The following COL4A3 variants were observed in gnomAD, a reference collection of about 807,000 sequenced individuals.
COL4A3 encodes the protein collagen alpha-3(IV) chain.
In COL4A3, 135 loss-of-function variants were observed where a neutral mutation model predicts 217.4. The observed-to-expected ratio is 0.62, with a 90% CI of 0.54 to 0.72. The LOEUF (loss-of-function observed/expected upper bound fraction) is 0.72. Ranked by LOEUF, COL4A3 falls within the 30% of genes least tolerant of loss-of-function variation. The pLI is 0.00. For synonymous variants in COL4A3, 690 were observed against 736.3 expected (o/e 0.94, Z 1.02); for missense variants, 1,868 against 2,119.9 (o/e 0.88, Z 2.33).
At chr2:227,236,663 A>T (rs1226572733) in intron 1 of COL4A3, among the ~76,000 whole-genome samples, 7 of 144,724 alleles carry the variant, frequency 4.8e-5, no homozygotes, top group South Asian at 2.2e-4. Flanking sequence ...GTCAAAACAC[A>T]TTTTTTCTTT....
intron 1 of COL4A3, among the ~76,000 whole-genome samples, chr2:227,171,300 T>G (rs1050822191): frequency 1.3e-5 from 2 of 152,238 alleles, no homozygotes; most frequent in African/African-American, 2.4e-5. Flanking sequence ...CTGCCTGTTC[T>G]GAACTTTATG....
intron 17 of COL4A3, among the ~76,000 whole-genome samples, chr2:227,257,201 T>C (rs568434274): frequency 6.6e-6 from 1 of 152,336 alleles, no homozygotes; most frequent in South Asian, 2.1e-4. Flanking sequence ...TCACTTCCAG[T>C]AGAATTCTGA....
chr2:227,282,543 G>T lies in COL4A3; in HGVS notation c.2656+11G>T, dbSNP rs2072051380. ...TTTTAGGGCCACCAGGTATCCTTTT[G>T]TGTGTTTCTATTTTTCTTCTTATTT... On this transcript the variant is annotated intron_variant, in intron 32 of 51. Transcript: ENST00000396578. This position sits in a 1 kb window ranked among gnomAD's most constrained non-coding sequence, Gnocchi z 4.4. The T allele has an allele frequency of 2.5e-6, 4 of 1,612,386 alleles. No individual in the cohort carries two copies. The highest frequency in any genetic ancestry group is 3.4e-6 in the Non-Finnish European group (4 of 1,178,966).
At chr2:227,165,150 C>G (rs1418813763) in intron 1 of COL4A3, among the ~76,000 whole-genome samples, 1 of 152,044 alleles carries the variant, frequency 6.6e-6, no homozygotes, top group African/African-American at 2.4e-5. Context: ...CGTGAGAACA[C>G]CGGATGTGGA....
intron 48 of COL4A3, among the ~76,000 whole-genome samples, 198 bp from the exon 49 acceptor site, chr2:227,308,698 AAAG>A: frequency 2.0e-5 from 3 of 152,360 alleles, no homozygotes. Flanking sequence ...AAGGTGGGAG[AAAG>A]AAGATTTGTT....
Position 227,294,904 on chromosome 2 carries a change from A to G in COL4A3, c.3419-60A>G, listed in dbSNP as rs572729147. 2.9e-6 allele frequency: 4 copies of G among 1,362,288 alleles called. No individual in the cohort carries two copies. The East Asian group carries it at 9.2e-5, about 31-fold the overall frequency. The allele number at this position is 1,362,288 out of a possible 1,614,324, so 84.4% of individuals were successfully genotyped here. A position where few individuals can be genotyped will look rare whatever the true frequency, so the allele number is the denominator to read the frequency against. On this transcript the variant is annotated intron_variant, in intron 39 of 51. Coordinates refer to ENST00000396578, the MANE Select transcript of COL4A3 (RefSeq NM_000091.5). ...ATTCCCATTAGGCCACTGGCAAGAA[A>G]TAAATCCTCTTTTTGTATACCATAG...
Position 227,195,665 on chromosome 2 carries a change from A to ATGTGTGTGTGTGTGTG in COL4A3, c.87+30853_87+30854insGTGTGTGTGTGTGTGT, listed in dbSNP as rs769877364. 1.7e-3 allele frequency among the ~76,000 whole-genome samples: 224 copies of ATGTGTGTGTGTGTGTG among 129,088 alleles called. 3 individuals carry two copies. Among genetic ancestry groups the ATGTGTGTGTGTGTGTG allele is most frequent in the East Asian group, 0.013 (59 of 4,628 alleles). 84.7% of individuals were successfully genotyped at this position (129,088 alleles called of 152,430 possible). On this transcript the variant is annotated intron_variant, in intron 1 of 51. Coordinates refer to ENST00000396578, the MANE Select transcript of COL4A3 (RefSeq NM_000091.5). Reference sequence around the variant, plus strand: ...TAGAGTCTATGCCACATATATATATATATGTGTGTGTGTGTGTGTGTGTGT... The same window carrying ATGTGTGTGTGTGTGTG: ...TAGAGTCTATGCCACATATATATATATGTGTGTGTGTGTGTGTATGTGTGTGTGTGTGTGTGTGTGT...
chr2:227,244,185 G>C (rs568442864), intron 3 of COL4A3, 135 bp from the exon 4 acceptor site: 1 of 733,378 alleles, frequency 1.4e-6, no homozygotes, highest in South Asian at 1.5e-5. Context: ...GCAAGCAATT[G>C]AATCTTATTA....
chr2:227,286,147 C>T (rs762397808), intron 34 of COL4A3, among the ~76,000 whole-genome samples: 9 of 152,174 alleles, frequency 5.9e-5, no homozygotes, highest in Non-Finnish European at 1.2e-4. Flanking sequence ...TTACCATGTG[C>T]AGGTACTGTT....
Position 227,211,746 on chromosome 2 carries a change from C to T in COL4A3, c.88-26222C>T, listed in dbSNP as rs563055330. Among the ~76,000 whole-genome samples the T allele has an allele frequency of 3.9e-5, 6 of 152,214 alleles. No homozygotes were observed. The South Asian group carries it at 8.3e-4, about 21-fold the overall frequency. The stretch of plus-strand genomic sequence containing the variant: ...AATCTCGGCTCACTGCAACCTCCAC[C>T]TCCCAGGTTCAAGCAATTCTCCTGC... On this transcript the variant is annotated intron_variant, in intron 1 of 51. Transcript: ENST00000396578.
At chr2:227,265,885 G>A (rs4613261) in intron 21 of COL4A3, 11,716 of 158,452 alleles carry the variant, frequency 0.074, 569 homozygotes, top group Admixed American at 0.16. Flanking sequence ...ACTCGTGGCA[G>A]AAGCAGAAGC....
At chr2:227,288,095 C>CTATT (rs200310442) in intron 34 of COL4A3, among the ~76,000 whole-genome samples, 1 of 152,010 alleles carries the variant, frequency 6.6e-6, no homozygotes, top group East Asian at 1.9e-4. Flanking sequence ...GATTCAGTGA[C>CTATT]TATTTATTTA....
chr2:227,244,772 T>C (rs757788179), intron 4 of COL4A3, 179 bp from the exon 5 acceptor site: 1 of 785,166 alleles, frequency 1.3e-6, no homozygotes, highest in Admixed American at 1.8e-5. Flanking sequence ...GTTACATAAA[T>C]GTGAGATTTA....
At chr2:227,263,384 A>G (rs746561426) in intron 20 of COL4A3, among the ~76,000 whole-genome samples, 6 of 152,220 alleles carry the variant, frequency 3.9e-5, no homozygotes, top group Non-Finnish European at 8.8e-5. Flanking sequence ...ACTGGCAGGA[A>G]TAAAGTCCAC....
At chr2:227,244,888 A>T (rs750902630) in intron 4 of COL4A3, 63 bp from the exon 5 acceptor site, 4 of 1,480,326 alleles carry the variant, frequency 2.7e-6, no homozygotes, top group Non-Finnish European at 3.8e-6. Context: ...ATTTATGTTT[A>T]TAGATTGAAC....
chr2:227,305,202 G>A (rs937450129), intron 47 of COL4A3, 119 bp downstream of exon 47: 46 of 814,382 alleles, frequency 5.6e-5, no homozygotes, highest in Middle Eastern at 2.2e-4. Context: ...GTTCAGATCA[G>A]ACCAAAGGCC....
intron 4 of COL4A3, 83 bp downstream of exon 4, chr2:227,244,447 C>T: frequency 7.9e-7 from 1 of 1,270,156 alleles, no homozygotes; most frequent in Admixed American, 1.7e-5. Context: ...GAAAGGAGTA[C>T]ACTGTGTATG....
intron 1 of COL4A3, among the ~76,000 whole-genome samples, chr2:227,216,580 G>A (rs537007482): frequency 7.9e-5 from 12 of 152,236 alleles, no homozygotes; most frequent in Admixed American, 5.2e-4. Flanking sequence ...AAGGAAGGTA[G>A]AAAGCCTAAT....
chr2:227,294,435 T>A (rs2072932192), intron 38 of COL4A3, 55 bp from the exon 39 acceptor site: 1 of 1,115,240 alleles, frequency 9.0e-7, no homozygotes, highest in African/African-American at 1.5e-5. Context: ...GTCACTGTTG[T>A]AATCATTTAT....
Sources: gnomAD v4.1 joint callset for allele counts (sites outside exome capture counted in the v4.1 genomes callset) on GRCh38, gnomAD v4.1.1 for gene constraint, Gnocchi (gnomAD v3.1) non-coding constraint, MANE v1.5 for transcripts, NCBI Gene and HGNC (gene_info 2026-07-23, HGNC 2026-07-21) for gene names.